Variants in GRIN2A observed in about 807,000 individuals in gnomAD.
GRIN2A encodes glutamate ionotropic receptor NMDA type subunit 2A, also known as glutamate receptor ionotropic, NMDA 2A.
In GRIN2A, 22 loss-of-function variants were observed where a neutral mutation model predicts 113.4. The observed-to-expected ratio is 0.19, with a 90% CI of 0.14 to 0.28. The LOEUF is 0.28. Among genes scored for constraint, GRIN2A ranks in the 10% least tolerant of loss-of-function variants. The pLI is 1.00. For missense variants in GRIN2A, 1,502 were observed against 1,887.0 expected (o/e 0.80, Z 3.78); for synonymous variants, 827 against 738.4 (o/e 1.12, Z -1.94).
At position 10,038,964 on chromosome 16, in the gene GRIN2A, A is replaced by G. The variant is rs1425815497; in HGVS notation, c.415-100413T>C. Among the ~76,000 whole-genome samples the G allele has an allele frequency of 2.0e-5, 3 of 151,886 alleles. No individual in the cohort carries two copies. In the East Asian group the frequency reaches 5.8e-4, roughly 29 times the overall value. ...GTCCTTCAAAAATCAGGGCAGTGTC[A>G]CCTCCTCCAGGAAGCCCCCTGGCCC... On this transcript the variant is annotated intron_variant, in intron 2 of 12. Transcript: ENST00000330684.
intron 2 of GRIN2A, among the ~76,000 whole-genome samples, chr16:10,059,349 G>C (rs933585966): frequency 6.8e-6 from 1 of 146,550 alleles, no homozygotes; most frequent in Non-Finnish European, 1.5e-5. Context: ...ATTGATAGAA[G>C]AGACCAGTTT....
At chr16:10,091,011 T>C (rs1045364301) in intron 2 of GRIN2A, among the ~76,000 whole-genome samples, 2 of 152,142 alleles carry the variant, frequency 1.3e-5, no homozygotes, top group African/African-American at 4.8e-5. Context: ...ATATACACAC[T>C]AGAATGACTA....
intron 10 of GRIN2A, among the ~76,000 whole-genome samples, chr16:9,808,936 GAAAATGCTTA>G (rs994133895): frequency 7.9e-5 from 12 of 151,560 alleles, no homozygotes; most frequent in Admixed American, 5.9e-4. Flanking sequence ...CTAGTGAGAA[GAAAATGCTTA>G]AAAATATTCT....
intron 10 of GRIN2A, among the ~76,000 whole-genome samples, chr16:9,820,608 A>G (rs937601288): frequency 2.0e-5 from 3 of 152,240 alleles, no homozygotes; most frequent in Non-Finnish European, 4.4e-5. Flanking sequence ...ACATGCAACA[A>G]TCTTGCAAAC....
At chr16:9,892,992 G>A (rs2052186) in intron 3 of GRIN2A, among the ~76,000 whole-genome samples, 48,400 of 150,028 alleles carry the variant, frequency 0.32, 9,822 homozygotes, top group African/African-American at 0.58. Context: ...GAAATTTTAA[G>A]AAGAGACACT....
At chr16:10,065,992 G>A (rs189104384) in intron 2 of GRIN2A, among the ~76,000 whole-genome samples, 22 of 152,230 alleles carry the variant, frequency 1.4e-4, no homozygotes, top group Non-Finnish European at 2.6e-4. Context: ...GAGGGCTTTC[G>A]GAAATGGATT....
rs559720559 is a variant in GRIN2A, at chr16:9,787,450, T to C, written c.2356+10827A>G. ...ATCCCGCCCTATCAGACTGCACCAA[T>C]GCATGCCTCACAGGTATTGATTGAT... On this transcript the variant is annotated intron_variant, in intron 11 of 12. Transcript: ENST00000330684. Among the ~76,000 whole-genome samples the C allele has an allele frequency of 2.2e-4, 34 of 152,328 alleles. 1 individual carries two copies. In the East Asian group the frequency reaches 6.6e-3, roughly 29 times the overall value.
chr16:10,055,258 T>C (rs1356095496), intron 2 of GRIN2A, among the ~76,000 whole-genome samples: 1 of 151,632 alleles, frequency 6.6e-6, no homozygotes, highest in South Asian at 2.1e-4. Context: ...AGGAAGGAGA[T>C]AAGGGAATGA....
intron 10 of GRIN2A, among the ~76,000 whole-genome samples, chr16:9,802,300 G>A (rs1290026385): frequency 6.6e-6 from 1 of 152,084 alleles, no homozygotes; most frequent in Non-Finnish European, 1.5e-5. Flanking sequence ...AAACCCACCA[G>A]TGACAGACTA....
chr16:10,105,579 A>G (rs1320260312), intron 2 of GRIN2A, among the ~76,000 whole-genome samples: 2 of 152,178 alleles, frequency 1.3e-5, no homozygotes, highest in Non-Finnish European at 2.9e-5. Context: ...TATAACCCTT[A>G]GTTTTAATAA....
At chr16:9,872,329 G>T (rs1201519919) in intron 4 of GRIN2A, among the ~76,000 whole-genome samples, 3 of 152,156 alleles carry the variant, frequency 2.0e-5, no homozygotes, top group African/African-American at 7.2e-5. Flanking sequence ...TGAAACAGGG[G>T]AGGAAGTCGC....
chr16:10,057,394 G>A (rs1264387581), intron 2 of GRIN2A, among the ~76,000 whole-genome samples: 1 of 152,176 alleles, frequency 6.6e-6, no homozygotes, highest in Non-Finnish European at 1.5e-5. Context: ...CAATATAAAT[G>A]TTCTGGGGCC....
At chr16:9,823,358 A>G (rs1316295535) in intron 9 of GRIN2A, among the ~76,000 whole-genome samples, 1 of 152,168 alleles carries the variant, frequency 6.6e-6, no homozygotes, top group Non-Finnish European at 1.5e-5. Flanking sequence ...TAGATAACAC[A>G]TTCACTTCAT....
intron 2 of GRIN2A, among the ~76,000 whole-genome samples, chr16:10,049,205 G>T (rs1017504679): frequency 6.6e-6 from 1 of 152,004 alleles, no homozygotes; most frequent in Non-Finnish European, 1.5e-5. Flanking sequence ...TTTATGGATG[G>T]TGAGATGACA....
At chr16:10,148,697 A>G (rs1397617788) in intron 2 of GRIN2A, among the ~76,000 whole-genome samples, 2 of 152,222 alleles carry the variant, frequency 1.3e-5, no homozygotes, top group Non-Finnish European at 1.5e-5. Context: ...AAGCTAACAT[A>G]TGACCCAGCA....
chr16:10,065,287 C>G (rs1396401236), intron 2 of GRIN2A, among the ~76,000 whole-genome samples: 1 of 152,190 alleles, frequency 6.6e-6, no homozygotes, highest in Non-Finnish European at 1.5e-5. Context: ...TGGAGTTACT[C>G]ACGTGAGAAA....
intron 2 of GRIN2A, among the ~76,000 whole-genome samples, chr16:10,178,484 A>C (rs768938366): frequency 4.6e-5 from 7 of 152,150 alleles, no homozygotes; most frequent in Non-Finnish European, 1.0e-4. Context: ...TGCTCCAAGA[A>C]ACCCTAAGAT....
At chr16:9,927,645 T>C (rs573504247) in intron 3 of GRIN2A, among the ~76,000 whole-genome samples, 3 of 152,300 alleles carry the variant, frequency 2.0e-5, no homozygotes, top group African/African-American at 7.2e-5. Flanking sequence ...AAAGATAATA[T>C]ATTTAAACAG....
At chr16:10,101,738 A>T (rs1355959143) in intron 2 of GRIN2A, among the ~76,000 whole-genome samples, 3 of 152,212 alleles carry the variant, frequency 2.0e-5, no homozygotes, top group Non-Finnish European at 4.4e-5. Context: ...TATATATCTC[A>T]GGCTACAAGA....
Sources: gnomAD v4.1 joint callset for allele counts (sites outside exome capture counted in the v4.1 genomes callset) on GRCh38, gnomAD v4.1.1 for gene constraint, MANE v1.5 for transcripts, NCBI Gene and HGNC (gene_info 2026-07-23, HGNC 2026-07-21) for gene names.